Variants in CD96 observed in about 807,000 individuals in gnomAD.
CD96 encodes T-cell surface protein tactile.
A neutral mutation model predicts 71.3 loss-of-function variants in CD96; 70 were observed. The ratio of observed to expected loss-of-function variants is 0.98; its 90% CI spans 0.81 to 1.20. The LOEUF (loss-of-function observed/expected upper bound fraction) is 1.20. Among genes scored for constraint, CD96 ranks in the 50% most tolerant of loss-of-function variants. The pLI is 0.00. For missense variants in CD96, 742 were observed against 677.5 expected, an observed-to-expected ratio of 1.10 and a Z score of -1.06; for synonymous variants, 248 against 233.0, an observed-to-expected ratio of 1.06 and a Z score of -0.59.
chr3:111,649,697 G>A lies in CD96; in HGVS notation c.1602-1G>A. ...TTGAAAGACCAATATTTTGTTCCTA[G>A]AATGGAAAGACCTCCACCTTTCAAG... is the stretch of plus-strand genomic sequence containing the variant. On this transcript the variant is annotated splice_acceptor_variant, in intron 13 of 13. Coordinates refer to ENST00000352690, the MANE Select transcript of CD96 (RefSeq NM_005816.5). LOFTEE classifies it high-confidence loss of function. The A allele has an allele frequency of 6.2e-7, 1 of 1,601,690 alleles. No homozygotes were observed. Among genetic ancestry groups the A allele is most frequent in the Non-Finnish European group, 8.6e-7 (1 of 1,168,756 alleles).
chr3:111,640,270 A>G (rs1939530757), intron 12 of CD96, among the ~76,000 whole-genome samples: 1 of 152,210 alleles, frequency 6.6e-6, no homozygotes, highest in African/African-American at 2.4e-5. Flanking sequence ...TATTCATGGA[A>G]ATAGATAGCT....
At chr3:111,597,781 A>G (rs1342916830) in intron 5 of CD96, among the ~76,000 whole-genome samples, 1 of 152,148 alleles carries the variant, frequency 6.6e-6, no homozygotes, top group African/African-American at 2.4e-5. Context: ...TCTTCCTTCT[A>G]TTCTTTGGTT....
intron 10 of CD96, among the ~76,000 whole-genome samples, chr3:111,631,173 GC>G (rs1429543894): frequency 1.3e-5 from 2 of 152,008 alleles, no homozygotes; most frequent in African/African-American, 2.4e-5. Context: ...AAGAAATAAA[GC>G]ACATTTAAAT....
chr3:111,596,086 C>G (rs1195832792), intron 5 of CD96, among the ~76,000 whole-genome samples: 3 of 151,692 alleles, frequency 2.0e-5, no homozygotes, highest in South Asian at 2.1e-4. Flanking sequence ...TGCTTGAACC[C>G]GGGAGGTGGA....
At position 111,555,124 on chromosome 3, in the gene CD96, C is replaced by T. The variant is rs569568800; in HGVS notation, c.418+9722C>T. On this transcript the variant is annotated intron_variant, in intron 2 of 13. Transcript: ENST00000352690. ...CTGCTCACCTCCTGCTGTGTGGCCC[C>T]ATTCCTTAACAGGCCACGGACAAGT... Among the ~76,000 whole-genome samples the T allele has an allele frequency of 1.5e-3, 227 of 151,270 alleles. 1 individual carries two copies. The highest frequency in any genetic ancestry group is 5.3e-3 in the African/African-American group (220 of 41,168).
In CD96 at chr3:111,623,779, C is replaced by A. The variant is rs1386370562; in HGVS notation, c.1206C>A (p.Thr402=). 2 of 1,611,062 alleles carry A rather than the reference C, an allele frequency of 1.2e-6. No homozygotes were observed. Among genetic ancestry groups the A allele is most frequent in the African/African-American group, 2.7e-5 (2 of 74,818 alleles). ...GATATCCAGCTACATCTTCAGTGACCCTTGTAGATGTGAGTGCCTTGAGGC... is the reference window on the plus strand; with the variant it reads ...GATATCCAGCTACATCTTCAGTGACACTTGTAGATGTGAGTGCCTTGAGGC... ...PARYPATSSV[T]LVDVSALRPN... is the part of the protein sequence containing the mutation. Residue 402 remains threonine (T), a synonymous_variant, in exon 9 of 14, where the codon ACC becomes ACA. Coordinates refer to ENST00000352690, the MANE Select transcript of CD96 (RefSeq NM_005816.5).
chr3:111,628,297 G>A (rs541039375), intron 10 of CD96, among the ~76,000 whole-genome samples: 41 of 152,298 alleles, frequency 2.7e-4, no homozygotes, highest in African/African-American at 9.9e-4. Context: ...CAATGCAGGA[G>A]TTGACAGCCT....
chr3:111,660,556 G>T (rs1449268721), intron 14 of CD96, among the ~76,000 whole-genome samples: 1 of 152,018 alleles, frequency 6.6e-6, no homozygotes, highest in African/African-American at 2.4e-5. Context: ...AGGCTGAATA[G>T]CCAAAGCAAT....
chr3:111,583,331 T>G (rs1176115651), intron 4 of CD96, among the ~76,000 whole-genome samples: 3 of 152,226 alleles, frequency 2.0e-5, no homozygotes, highest in Admixed American at 1.3e-4. Flanking sequence ...CCCTCCTGGC[T>G]GCTTTCACAG....
At chr3:111,660,585 A>G (rs965060752) in intron 14 of CD96, among the ~76,000 whole-genome samples, 1 of 152,244 alleles carries the variant, frequency 6.6e-6, no homozygotes, top group Non-Finnish European at 1.5e-5. Flanking sequence ...AAAAGAACAA[A>G]GCTGGAGGCA....
At chr3:111,661,400 C>T (rs1353576605) in intron 14 of CD96, among the ~76,000 whole-genome samples, 1 of 152,178 alleles carries the variant, frequency 6.6e-6, no homozygotes, top group African/African-American at 2.4e-5. Context: ...ATCATGCCTT[C>T]CTAGCAGTCC....
intron 3 of CD96, chr3:111,577,525 G>C: frequency 6.2e-7 from 1 of 1,607,240 alleles, no homozygotes; most frequent in Non-Finnish European, 8.5e-7. Context: ...CGGATTCTTG[G>C]GTCCTTCTTT....
At chr3:111,598,555 T>G (rs1937358356) in intron 6 of CD96, among the ~76,000 whole-genome samples, 2 of 152,240 alleles carry the variant, frequency 1.3e-5, no homozygotes, top group Admixed American at 1.3e-4. Flanking sequence ...CATAGCTACC[T>G]GTTTTTCCAT....
chr3:111,635,367 C>T (rs543269495), intron 10 of CD96, among the ~76,000 whole-genome samples: 1 of 152,150 alleles, frequency 6.6e-6, no homozygotes, highest in South Asian at 2.1e-4. Context: ...AAATAACTCC[C>T]TACTTTTCCA....
In CD96 at chr3:111,625,644, T is replaced by C. The variant is rs575836381; in HGVS notation, c.1321+1240T>C. Among the ~76,000 whole-genome samples the C allele has an allele frequency of 4.6e-5, 7 of 152,294 alleles. No individual in the cohort carries two copies. In the South Asian group the frequency reaches 1.4e-3, roughly 32 times the overall value. On this transcript the variant is annotated intron_variant, in intron 10 of 13. Transcript: ENST00000352690. ...AACTCTATATAGTTTAAGATCTTTATGTCAAAAGCAAAACATTAAAACATG... is the reference window on the plus strand; with the variant it reads ...AACTCTATATAGTTTAAGATCTTTACGTCAAAAGCAAAACATTAAAACATG...
intron 14 of CD96, among the ~76,000 whole-genome samples, chr3:111,657,431 AATTCAAGTAGCTAGGAACACAAAATT>A (rs2107810402): frequency 6.6e-6 from 1 of 151,980 alleles, no homozygotes; most frequent in Non-Finnish European, 1.5e-5. Flanking sequence ...AAAAAAACCT[AATTCAAGTAGCTAGGAACACAAAATT>A]TGACTATATA....
At chr3:111,630,247 A>G (rs9860532) in intron 10 of CD96, among the ~76,000 whole-genome samples, 3,936 of 152,272 alleles carry the variant, frequency 0.026, 166 homozygotes, top group African/African-American at 0.087. Context: ...AAAGATTAAT[A>G]TGATAAATAT....
chr3:111,599,044 T>C (rs1276387319), intron 6 of CD96, among the ~76,000 whole-genome samples: 6 of 152,140 alleles, frequency 3.9e-5, no homozygotes, highest in South Asian at 2.1e-4. Flanking sequence ...TCTCGGCTCA[T>C]TGCAAGCTCC....
Position 111,638,097 on chromosome 3 carries a change from C to G in CD96, c.1406C>G (p.Thr469Arg). The G allele has an allele frequency of 6.2e-7, 1 of 1,606,774 alleles. No individual in the cohort carries two copies. The highest frequency in any genetic ancestry group is 1.1e-5 in the South Asian group (1 of 90,928). The change falls in exon 12 of 14, where the codon ACA (threonine) becomes AGA (arginine). Residue 469 changes from threonine (T) to arginine (R), a missense_variant. Physicochemically the swap from Thr to Arg is moderately conservative, Grantham distance 71. Transcript: ENST00000352690. ...STLHDNVFTSTARAFSEVPTT... is the reference protein window; with the variant it reads ...STLHDNVFTSRARAFSEVPTT... ...TCCCTAGACAATGTCTTTACCAGCA[C>G]AGCCAGAGCATTTTCAGAAGTCCCC...
Sources: gnomAD v4.1 joint callset for allele counts (sites outside exome capture counted in the v4.1 genomes callset) on GRCh38, gnomAD v4.1.1 for gene constraint, MANE v1.5 for transcripts, NCBI Gene and HGNC (gene_info 2026-07-23, HGNC 2026-07-21) for gene names.